DNAH11: variants seen among roughly 807,000 people sequenced by gnomAD.
The protein encoded by DNAH11 is dynein axonemal heavy chain 11.
A neutral mutation model predicts 526.0 loss-of-function variants in DNAH11; 442 were observed. The ratio of observed to expected loss-of-function variants is 0.84; its 90% CI spans 0.78 to 0.91. DNAH11 has a LOEUF of 0.91. Among genes scored for constraint, DNAH11 ranks in the 40% least tolerant of loss-of-function variants. DNAH11 has a pLI of 0.00. For missense variants in DNAH11, 6,989 were observed against 5,448.7 expected (o/e 1.28, Z -8.90); for synonymous variants, 2,461 against 1,935.9 (o/e 1.27, Z -7.12).
At chr7:21,808,431 A>G (rs1344545980) in intron 63 of DNAH11, among the ~76,000 whole-genome samples, 1 of 152,166 alleles carries the variant, frequency 6.6e-6, no homozygotes, top group Non-Finnish European at 1.5e-5. Context: ...AATATACAAT[A>G]AATTATTAAC....
rs973221126 is a variant in DNAH11 at position 21,864,546 on chromosome 7, A to G, written c.11385A>G (p.Arg3795=). ...LSQMAFQILL[R]KKEIDPLELD... is the part of the protein sequence containing the mutation. ...TGTCTACTCTCAAGATTTTGTTGAG[A>G]AAGAAAGAGATAGACCCTCTTGAAT... The change falls in exon 70 of 82, where the codon AGA becomes AGG. Residue 3795 remains arginine (R), a synonymous_variant. Coordinates refer to ENST00000409508, the MANE Select transcript of DNAH11 (RefSeq NM_001277115.2). 2 of 1,611,026 alleles carry G rather than the reference A, an allele frequency of 1.2e-6. No individual in the cohort carries two copies. The highest frequency in any genetic ancestry group is 1.7e-6 in the Non-Finnish European group (2 of 1,178,602).
At chr7:21,826,276 T>A (rs1790294094) in intron 65 of DNAH11, among the ~76,000 whole-genome samples, 1 of 152,024 alleles carries the variant, frequency 6.6e-6, no homozygotes, top group African/African-American at 2.4e-5. Context: ...TCTTATTTCC[T>A]CATCTAACTC....
In DNAH11 at chr7:21,744,939, C is replaced by G. The variant is rs139912794; in HGVS notation, c.8386C>G (p.Pro2796Ala). 84 of 1,610,700 alleles carry G rather than the reference C, an allele frequency of 5.2e-5. 2 individuals carry two copies. In the East Asian group the frequency reaches 1.9e-3, roughly 36 times the overall value. The change falls in exon 51 of 82, where the codon CCA (proline) becomes GCA (alanine). Residue 2796 changes from proline to alanine, a missense_variant. Pro to Ala is a conservative substitution (Grantham distance 27). Transcript: ENST00000409508. ...CCACTTTGCTGATAGAGGGAAGGAC[C>G]CACATTACATGCCAGTGAAGGACTG... ...YCHFADRGKDPHYMPVKDWEV... is the reference protein window; with the variant it reads ...YCHFADRGKDAHYMPVKDWEV...
At chr7:21,693,234 T>C (rs1448764965) in intron 35 of DNAH11, among the ~76,000 whole-genome samples, 2 of 152,236 alleles carry the variant, frequency 1.3e-5, no homozygotes, top group East Asian at 3.9e-4. Context: ...GTATGGGTTT[T>C]CTCCTTTATT....
At position 21,743,837 on chromosome 7, in the gene DNAH11, T is replaced by G. The variant is rs962024548; in HGVS notation, c.8155-601T>G. Among the ~76,000 whole-genome samples, 50 of 152,314 alleles carry G rather than the reference T, an allele frequency of 3.3e-4. 1 individual carries two copies. Among genetic ancestry groups the G allele is most frequent in the Middle Eastern group, 6.8e-3 (2 of 294 alleles). On this transcript the variant is annotated intron_variant, in intron 49 of 81. Transcript: ENST00000409508. ...ACTACCAAATAATTTTTTAGCCTTTTGCAGCTCAGTTCTCCACAACTCCCT... is the reference window on the plus strand; with the variant it reads ...ACTACCAAATAATTTTTTAGCCTTTGGCAGCTCAGTTCTCCACAACTCCCT...
chr7:21,674,979 A>G (rs566734550), intron 30 of DNAH11, among the ~76,000 whole-genome samples: 1 of 152,132 alleles, frequency 6.6e-6, no homozygotes, highest in Non-Finnish European at 1.5e-5. Flanking sequence ...GAAGATCCCT[A>G]TTCTCACTGC....
chr7:21,544,464 C>G (rs1307372529), intron 1 of DNAH11, among the ~76,000 whole-genome samples: 1 of 152,048 alleles, frequency 6.6e-6, no homozygotes, highest in East Asian at 1.9e-4. Context: ...TGTCAGTAGA[C>G]AAGGCGATAG....
chr7:21,781,574 C>A (rs764199569), intron 57 of DNAH11, among the ~76,000 whole-genome samples: 2 of 152,150 alleles, frequency 1.3e-5, no homozygotes, highest in Non-Finnish European at 2.9e-5. Context: ...TAAATTGAAG[C>A]GCTAATATCA....
chr7:21,799,000 T>C (rs949977143), intron 61 of DNAH11, among the ~76,000 whole-genome samples: 1 of 152,186 alleles, frequency 6.6e-6, no homozygotes, highest in African/African-American at 2.4e-5. Context: ...ACCAGTGCCC[T>C]TTAGGGTTCT....
chr7:21,870,823 A>G (rs1783468089), intron 73 of DNAH11, among the ~76,000 whole-genome samples: 1 of 152,192 alleles, frequency 6.6e-6, no homozygotes, highest in East Asian at 1.9e-4. Flanking sequence ...CCAGTAACCA[A>G]GAATTTAACT....
chr7:21,661,425 T>C (rs1406201446), intron 30 of DNAH11, among the ~76,000 whole-genome samples: 1 of 152,040 alleles, frequency 6.6e-6, no homozygotes, highest in Non-Finnish European at 1.5e-5. Flanking sequence ...TCCAGCTGGG[T>C]ATAGAATTCT....
At chr7:21,817,519 CAAAAAA>C (rs10532841) in intron 64 of DNAH11, among the ~76,000 whole-genome samples, 3 of 86,440 alleles carry the variant, frequency 3.5e-5, no homozygotes, top group East Asian at 3.3e-4. Context: ...CCATCTCTAC[CAAAAAA>C]AAAAAAAAAA....
intron 20 of DNAH11, among the ~76,000 whole-genome samples, chr7:21,609,516 G>A (rs558876222): frequency 3.3e-5 from 5 of 152,170 alleles, no homozygotes; most frequent in Admixed American, 6.5e-5. Flanking sequence ...CACTGTGCCC[G>A]GCCATAACTG....
chr7:21,797,419 A>G lies in DNAH11; in HGVS notation c.10027-3718A>G, dbSNP rs993821470. Reference sequence around the variant, plus strand: ...TTTTTAGTAGAGACGGGGTTTCTCTATGTTGGTCAGGCTGGTCTCAAACTC... The same window carrying G: ...TTTTTAGTAGAGACGGGGTTTCTCTGTGTTGGTCAGGCTGGTCTCAAACTC... On this transcript the variant is annotated intron_variant, in intron 61 of 81. Transcript: ENST00000409508. 1.8e-4 allele frequency among the ~76,000 whole-genome samples: 27 copies of G among 151,692 alleles called. 1 individual carries two copies. The highest frequency in any genetic ancestry group is 4.6e-4 in the African/African-American group (19 of 41,056).
intron 57 of DNAH11, among the ~76,000 whole-genome samples, chr7:21,779,338 G>C (rs1057059125): frequency 6.6e-6 from 1 of 152,048 alleles, no homozygotes; most frequent in African/African-American, 2.4e-5. Context: ...TAAATACTGA[G>C]CTCATTCAAG....
rs1240363396 is a variant in DNAH11, at chr7:21,849,993, A to G, written c.10897-2474A>G. Among the ~76,000 whole-genome samples, 3 of 149,292 alleles carry G rather than the reference A, an allele frequency of 2.0e-5. No individual in the cohort carries two copies. The East Asian group carries it at 5.9e-4, about 29-fold the overall frequency. On this transcript the variant is annotated intron_variant, in intron 66 of 81. Coordinates refer to ENST00000409508, the MANE Select transcript of DNAH11 (RefSeq NM_001277115.2). ...TAATTTTTATTCTTTTTTTTTTTCAAGTATCTAATGACATATGTCTAAGCA... is the reference window on the plus strand; with the variant it reads ...TAATTTTTATTCTTTTTTTTTTTCAGGTATCTAATGACATATGTCTAAGCA...
chr7:21,663,984 T>C (rs1782331872), intron 30 of DNAH11, among the ~76,000 whole-genome samples: 1 of 152,116 alleles, frequency 6.6e-6, no homozygotes, highest in Non-Finnish European at 1.5e-5. Context: ...CTATTTTTAA[T>C]TTTTTGAGGA....
chr7:21,554,663 A>G (rs184348859), intron 2 of DNAH11, among the ~76,000 whole-genome samples: 69 of 152,262 alleles, frequency 4.5e-4, no homozygotes, highest in African/African-American at 1.5e-3. Flanking sequence ...TAAAAACTGG[A>G]TTCTAGGAAT....
intron 30 of DNAH11, 33 bp downstream of exon 30, chr7:21,659,064 AG>A (rs746032262): frequency 6.7e-7 from 1 of 1,484,072 alleles, no homozygotes; most frequent in South Asian, 1.3e-5. Flanking sequence ...TGAGACATAA[AG>A]GAACTTCAAG....
Sources: allele counts gnomAD v4.1 joint callset (sites outside exome capture counted in the v4.1 genomes callset), GRCh38; gene constraint gnomAD v4.1.1; transcripts MANE v1.5; gene names NCBI Gene and HGNC (gene_info 2026-07-23, HGNC 2026-07-21).